Variants in INTS10 observed in about 807,000 individuals in gnomAD.
INTS10 encodes integrator complex subunit 10.
INTS10 carries 44 observed loss-of-function variants against 94.4 expected under a neutral mutation model. The ratio of observed to expected loss-of-function variants is 0.47; its 90% CI spans 0.37 to 0.60. The LOEUF (loss-of-function observed/expected upper bound fraction) is 0.60. Ranked by LOEUF, INTS10 falls within the 20% of genes least tolerant of loss-of-function variation. The pLI is 0.00. For missense variants in INTS10, 797 were observed against 868.7 expected (o/e 0.92, Z 1.04); for synonymous variants, 341 against 320.7 (o/e 1.06, Z -0.68).
At position 19,826,541 on chromosome 8, in the gene INTS10, A is replaced by G; in HGVS notation, c.1122A>G (p.Glu374=). The change falls in exon 9 of 17, where the codon GAA becomes GAG. Residue 374 remains glutamate, a synonymous_variant. Transcript: ENST00000397977. ...KHIHKKRKLA[E]GREKTMSSDD... is the part of the protein sequence containing the mutation. Reference sequence around the variant, plus strand: ...TCCATAAAAAGAGGAAACTAGCTGAAGGAAGAGAAAAAACCATGGTAAGGC... The same window carrying G: ...TCCATAAAAAGAGGAAACTAGCTGAGGGAAGAGAAAAAACCATGGTAAGGC... The G allele has an allele frequency of 6.2e-7, 1 of 1,612,142 alleles. No individual in the cohort carries two copies.
At chr8:19,845,302 T>C (rs2068484932) in intron 15 of INTS10, 1 of 163,954 alleles carries the variant, frequency 6.1e-6, no homozygotes, top group African/African-American at 2.4e-5. Context: ...GAATCCTCCC[T>C]ACTTTCACCT....
intron 13 of INTS10, 153 bp downstream of exon 13, chr8:19,837,313 G>T (rs1189590549): frequency 5.0e-6 from 3 of 602,710 alleles, no homozygotes; most frequent in Non-Finnish European, 8.9e-6. Flanking sequence ...AATGTAGTGA[G>T]ACCCCATCTC....
intron 9 of INTS10, among the ~76,000 whole-genome samples, chr8:19,827,153 C>T (rs988027673): frequency 1.3e-5 from 2 of 152,116 alleles, no homozygotes; most frequent in East Asian, 3.9e-4. Flanking sequence ...GCAAGAAGCC[C>T]GAGAATGTGA....
At chr8:19,819,515 C>T (rs990604644) in intron 2 of INTS10, 58 bp from the exon 3 acceptor site, 7 of 1,328,066 alleles carry the variant, frequency 5.3e-6, no homozygotes, top group African/African-American at 3.0e-5. Flanking sequence ...AACGTTTTTT[C>T]TTTTGGATAC....
intron 15 of INTS10, among the ~76,000 whole-genome samples, chr8:19,844,584 A>G (rs569981976): frequency 6.6e-5 from 10 of 152,172 alleles, no homozygotes; most frequent in Non-Finnish European, 1.3e-4. Flanking sequence ...CTCTTCTTCC[A>G]TCTGTCAAAA....
At position 19,823,338 on chromosome 8, in the gene INTS10, T is replaced by C. The variant is rs2066536433; in HGVS notation, c.561T>C (p.Asp187=). 5 of 1,607,392 alleles carry C rather than the reference T, an allele frequency of 3.1e-6. No individual in the cohort carries two copies. Among genetic ancestry groups the C allele is most frequent in the Non-Finnish European group, 4.3e-6 (5 of 1,174,026 alleles). Residue 187 remains aspartate (D), a synonymous_variant, in exon 6 of 17, where the codon GAT becomes GAC. Coordinates refer to ENST00000397977, the MANE Select transcript of INTS10 (RefSeq NM_018142.4). ...TTCCTCTAATAATTAACAACCATGATGTTCGATTACCTGCCAATTTATTGT... is the reference window on the plus strand; with the variant it reads ...TTCCTCTAATAATTAACAACCATGACGTTCGATTACCTGCCAATTTATTGT... ...DVLPLIINNH[D]VRLPANLLYK...
At position 19,817,496 on chromosome 8, in the gene INTS10, G is replaced by T. The variant is rs28413169; in HGVS notation, c.-42G>T. ...GGCGGCTGAGAGTCCAGAGCCGGAC[G>T]TTCCGGCCGCTTCGGGCTGGCGGCT... On this transcript the variant is annotated 5_prime_UTR_variant, in exon 1 of 17. Coordinates refer to ENST00000397977, the MANE Select transcript of INTS10 (RefSeq NM_018142.4). 2.5e-6 allele frequency: 4 copies of T among 1,588,474 alleles called. No homozygotes were observed. In the South Asian group the frequency reaches 4.5e-5, roughly 18 times the overall value.
intron 1 of INTS10, 97 bp downstream of exon 1, chr8:19,817,763 G>C: frequency 6.9e-7 from 1 of 1,449,190 alleles, no homozygotes; most frequent in Non-Finnish European, 9.3e-7. Context: ...CCTGGGGGCT[G>C]CCGCCTCCTG....
In INTS10 at chr8:19,846,462, T is replaced by G. The variant is rs970253017; in HGVS notation, c.1976+665T>G. On this transcript the variant is annotated intron_variant, in intron 16 of 16. Transcript: ENST00000397977. This position sits in a 1 kb window ranked among gnomAD's most constrained non-coding sequence, Gnocchi z 4.2. ...AAAAAAAACAAACAAACAAAACAGC[T>G]GTGCTTAATTAAAATTGTGCTGGGT... Among the ~76,000 whole-genome samples the G allele has an allele frequency of 1.3e-5, 2 of 151,406 alleles. No individual in the cohort carries two copies. Among genetic ancestry groups the G allele is most frequent in the Non-Finnish European group, 2.9e-5 (2 of 67,862 alleles).
chr8:19,850,818 T>A (rs1447920463), intron 16 of INTS10, among the ~76,000 whole-genome samples: 1 of 152,206 alleles, frequency 6.6e-6, no homozygotes, highest in African/African-American at 2.4e-5. Flanking sequence ...TTCTTCCGTT[T>A]CCTGGGATTT....
rs771301191 is a variant in INTS10 at position 19,842,939 on chromosome 8, G to C, written c.1719+12G>C. ...TAGCCTGTTTTAAGGTAAGCTTAAA[G>C]TTGATTAGCTTGAAAAAAAATGTAA... On this transcript the variant is annotated intron_variant, in intron 14 of 16. Coordinates refer to ENST00000397977, the MANE Select transcript of INTS10 (RefSeq NM_018142.4). The C allele has an allele frequency of 2.4e-5, 36 of 1,529,698 alleles. No homozygotes were observed. The highest frequency in any genetic ancestry group is 3.2e-5 in the Non-Finnish European group (35 of 1,104,268). 94.8% of individuals were successfully genotyped at this position (1,529,698 alleles called of 1,614,324 possible). A position where few individuals can be genotyped will look rare whatever the true frequency, so the allele number is the denominator to read the frequency against.
intron 13 of INTS10, among the ~76,000 whole-genome samples, chr8:19,839,666 C>T (rs1191471657): frequency 6.6e-6 from 1 of 152,098 alleles, no homozygotes; most frequent in Non-Finnish European, 1.5e-5. Context: ...TCACTGCACT[C>T]CAGCCTGGGT....
chr8:19,830,581 G>A (rs766514887), intron 10 of INTS10, 22 bp downstream of exon 10: 11 of 1,596,840 alleles, frequency 6.9e-6, no homozygotes, highest in South Asian at 5.7e-5. Context: ...CATGTCATTG[G>A]TGCTGTTTGA....
chr8:19,826,612 G>C, intron 9 of INTS10, 53 bp downstream of exon 9: 2 of 1,531,812 alleles, frequency 1.3e-6, no homozygotes, highest in Non-Finnish European at 1.8e-6. Flanking sequence ...CTTTGCTAGA[G>C]ATGAATCTTT....
intron 8 of INTS10, among the ~76,000 whole-genome samples, chr8:19,825,850 G>A (rs1402833653): frequency 6.6e-6 from 1 of 152,054 alleles, no homozygotes; most frequent in African/African-American, 2.4e-5. Flanking sequence ...TATAAAAAGT[G>A]CAGATACATA....
chr8:19,818,454 C>G (rs1270095886), intron 2 of INTS10, 112 bp downstream of exon 2: 2 of 1,089,378 alleles, frequency 1.8e-6, no homozygotes, highest in Non-Finnish European at 2.8e-6. Context: ...TCTATATCTT[C>G]GATACCTAAA....
At chr8:19,826,870 T>A (rs1012159418) in intron 9 of INTS10, among the ~76,000 whole-genome samples, 2 of 152,130 alleles carry the variant, frequency 1.3e-5, no homozygotes, top group African/African-American at 4.8e-5. Flanking sequence ...TGGTATATGT[T>A]CCTTATACAT....
At position 19,822,493 on chromosome 8, in the gene INTS10, C is replaced by G; in HGVS notation, c.496C>G (p.Pro166Ala). 3.7e-6 allele frequency: 6 copies of G among 1,609,828 alleles called. No individual in the cohort carries two copies. The highest frequency in any genetic ancestry group is 5.1e-6 in the Non-Finnish European group (6 of 1,176,330). ...EAETIEEQES[P>A]VNCFRKLFVC... ...TGAAACTATTGAAGAACAAGAATCT[C>G]CAGTGAACTGCTTTAGAAAATTATT... The change falls in exon 5 of 17, where the codon CCA (proline) becomes GCA (alanine). Residue 166 changes from proline to alanine, a missense_variant. This residue lies in a region of INTS10 where 734 missense variants were observed against 787.8 expected (regional missense o/e 0.93). Transcript: ENST00000397977.
rs532899345 is a variant in INTS10, at chr8:19,829,980, T to C, written c.1141-426T>C. ...GCCACGCCCGGCCCCAGGCTTTAAT[T>C]TTATCCCAGTACATGCCAAACCATT... On this transcript the variant is annotated intron_variant, in intron 9 of 16. Transcript: ENST00000397977. 5.3e-5 allele frequency among the ~76,000 whole-genome samples: 8 copies of C among 152,312 alleles called. No homozygotes were observed. In the East Asian group the frequency reaches 1.5e-3, roughly 29 times the overall value.
Sources: allele counts gnomAD v4.1 joint callset (sites outside exome capture counted in the v4.1 genomes callset), GRCh38; gene constraint gnomAD v4.1.1; regional missense constraint gnomAD v4.1.1; non-coding constraint Gnocchi (gnomAD v3.1); transcripts MANE v1.5; gene names NCBI Gene and HGNC (gene_info 2026-07-23, HGNC 2026-07-21).